The following ADARB1 variants were observed in gnomAD, a reference collection of about 807,000 sequenced individuals.
ADARB1 encodes adenosine deaminase RNA specific B1.
ADARB1 carries 10 observed loss-of-function variants against 52.4 expected under a neutral mutation model. The observed-to-expected ratio is 0.19, with a 90% CI of 0.12 to 0.32. ADARB1 has a LOEUF of 0.32. ADARB1 is among the 10% of genes least tolerant of loss of function. ADARB1 has a pLI of 1.00. For synonymous variants in ADARB1, 349 were observed against 371.1 expected, an observed-to-expected ratio of 0.94 and a Z score of 0.68; for missense variants, 643 against 922.3, an observed-to-expected ratio of 0.70 and a Z score of 3.92.
At chr21:45,160,606 T>C (rs1275171111) in intron 2 of ADARB1, among the ~76,000 whole-genome samples, 2 of 152,274 alleles carry the variant, frequency 1.3e-5, no homozygotes, top group African/African-American at 4.8e-5. Flanking sequence ...ATAAGCAGCA[T>C]GTTCTAGATT....
chr21:45,097,743 TG>T (rs577938567), intron 1 of ADARB1, among the ~76,000 whole-genome samples: 35 of 152,086 alleles, frequency 2.3e-4, no homozygotes, highest in Middle Eastern at 6.8e-3. Flanking sequence ...TATGCTGACT[TG>T]GGGGCACTCA....
At position 45,224,892 on chromosome 21, in the gene ADARB1, G is replaced by T; in HGVS notation, c.*2695G>T. ...GCACTTTAATCCCTCCCTTCTGAGCGCTCGGTGTGCACTTTTAGACTATAG... is the reference window on the plus strand; with the variant it reads ...GCACTTTAATCCCTCCCTTCTGAGCTCTCGGTGTGCACTTTTAGACTATAG... On this transcript the variant is annotated 3_prime_UTR_variant, in exon 11 of 11. Transcript: ENST00000348831. The T allele has an allele frequency of 1.0e-6, 1 of 985,756 alleles. No individual in the cohort carries two copies. The highest frequency in any genetic ancestry group is 1.2e-6 in the Non-Finnish European group (1 of 829,902). The allele number at this position is 985,756 out of a possible 1,614,324, so 61.1% of individuals were successfully genotyped here.
chr21:45,087,719 T>C (rs1467328360), intron 1 of ADARB1, among the ~76,000 whole-genome samples: 1 of 152,068 alleles, frequency 6.6e-6, no homozygotes, highest in Non-Finnish European at 1.5e-5. Flanking sequence ...ATGGTTAATA[T>C]CAGCCAGGAT....
rs1211931277 is a variant in ADARB1, at chr21:45,220,514, AGT to A, written c.1748-320_1748-319del. On this transcript the variant is annotated intron_variant, in intron 9 of 10. Transcript: ENST00000348831. The surrounding 1 kb of genome is among the most constrained non-coding windows in gnomAD (Gnocchi z 6.3). ...AGGTTCCTGGCTCCGTCAGTGCCAG[AGT>A]GAGAAAAGACACACTTGTCAGGAAG... Among the ~76,000 whole-genome samples the A allele has an allele frequency of 1.3e-5, 2 of 152,164 alleles. No homozygotes were observed. The highest frequency in any genetic ancestry group is 2.9e-5 in the Non-Finnish European group (2 of 68,030).
chr21:45,148,518 A>G (rs545463862), intron 2 of ADARB1, among the ~76,000 whole-genome samples: 110 of 152,328 alleles, frequency 7.2e-4, no homozygotes, highest in African/African-American at 2.5e-3. Context: ...AGGTTTGCCC[A>G]TGACCTGGTG....
At position 45,176,889 on chromosome 21, in the gene ADARB1, A is replaced by G. The variant is rs1246764018; in HGVS notation, c.963+225A>G. Reference sequence around the variant, plus strand: ...TGCTGGGTCTGTCGCAATGCAAGGCAGGGACACCTGAGACCCCGTCCACCA... The same window carrying G: ...TGCTGGGTCTGTCGCAATGCAAGGCGGGGACACCTGAGACCCCGTCCACCA... On this transcript the variant is annotated intron_variant, in intron 4 of 10. Transcript: ENST00000348831. The surrounding 1 kb of genome is among the most constrained non-coding windows in gnomAD (Gnocchi z 5.8). 1.3e-5 allele frequency among the ~76,000 whole-genome samples: 2 copies of G among 152,152 alleles called. No individual in the cohort carries two copies. Among genetic ancestry groups the G allele is most frequent in the African/African-American group, 4.8e-5 (2 of 41,426 alleles).
At chr21:45,190,962 A>G (rs530986400) in intron 8 of ADARB1, among the ~76,000 whole-genome samples, 1 of 152,152 alleles carries the variant, frequency 6.6e-6, no homozygotes, top group African/African-American at 2.4e-5. Flanking sequence ...GAAATTTCCT[A>G]TCCCTTTCAT....
At chr21:45,131,335 C>T (rs1301534444) in intron 2 of ADARB1, among the ~76,000 whole-genome samples, 1 of 152,208 alleles carries the variant, frequency 6.6e-6, no homozygotes, top group African/African-American at 2.4e-5. Flanking sequence ...CTGAAGGAAG[C>T]AGTGTTCAGT....
At chr21:45,129,628 C>CAGA in intron 2 of ADARB1, among the ~76,000 whole-genome samples, 1 of 152,216 alleles carries the variant, frequency 6.6e-6, no homozygotes, top group South Asian at 2.1e-4. Context: ...GCCGTGCTCC[C>CAGA]GCCTGGGAGT....
Position 45,171,623 on chromosome 21 carries a change from C to A in ADARB1, c.-34C>A, listed in dbSNP as rs2091486231. On this transcript the variant is annotated 5_prime_UTR_variant, in exon 3 of 11. Transcript: ENST00000348831. ...ACTGTCTTTCAGACAGAAACAGTCT[C>A]CGCCAGTCAAGAAACCCTCAAAAGT... 1.9e-6 allele frequency: 3 copies of A among 1,612,090 alleles called. No individual in the cohort carries two copies. The highest frequency in any genetic ancestry group is 3.3e-5 in the Admixed American group (2 of 59,960).
In ADARB1 at chr21:45,132,040, A is replaced by G. The variant is rs757146763; in HGVS notation, c.-48+3467A>G. Among the ~76,000 whole-genome samples, 6 of 152,384 alleles carry G rather than the reference A, an allele frequency of 3.9e-5. No homozygotes were observed. The South Asian group carries it at 6.2e-4, about 16-fold the overall frequency. On this transcript the variant is annotated intron_variant, in intron 2 of 10. Transcript: ENST00000348831. ...TTCTGGATCCTCAGATATTGTGACA[A>G]AAACTTGACATTTTTCTTCCTTCAA...
intron 1 of ADARB1, among the ~76,000 whole-genome samples, chr21:45,119,341 T>G (rs1386137079): frequency 1.3e-5 from 2 of 152,210 alleles, no homozygotes; most frequent in Admixed American, 6.5e-5. Flanking sequence ...TCCTCCCACC[T>G]TGGCCTCCCA....
At chr21:45,150,766 C>A (rs2090245207) in intron 2 of ADARB1, among the ~76,000 whole-genome samples, 2 of 152,210 alleles carry the variant, frequency 1.3e-5, no homozygotes, top group Admixed American at 1.3e-4. Context: ...CCACCTGTGA[C>A]CAAGGGGTCC....
chr21:45,097,963 A>G (rs1382494701), intron 1 of ADARB1, among the ~76,000 whole-genome samples: 1 of 152,036 alleles, frequency 6.6e-6, no homozygotes, highest in Non-Finnish European at 1.5e-5. Flanking sequence ...ATTTTCCTAA[A>G]TTTCCTAGCC....
In ADARB1 at chr21:45,225,665, C is replaced by A; in HGVS notation, c.*3468C>A. The A allele has an allele frequency of 9.9e-7, 1 of 1,007,980 alleles. No homozygotes were observed. The highest frequency in any genetic ancestry group is 1.3e-6 in the Non-Finnish European group (1 of 747,122). The allele number at this position is 1,007,980 out of a possible 1,614,324, so 62.4% of individuals were successfully genotyped here. On this transcript the variant is annotated 3_prime_UTR_variant, in exon 11 of 11. Transcript: ENST00000348831. Reference sequence around the variant, plus strand: ...CCATGTCTCAAAACAAACACATGTACAGTGGCTCTTTTTCCTTCTCAAACA... The same window carrying A: ...CCATGTCTCAAAACAAACACATGTAAAGTGGCTCTTTTTCCTTCTCAAACA...
intron 9 of ADARB1, among the ~76,000 whole-genome samples, chr21:45,212,452 CTG>C (rs2092787586): frequency 6.6e-6 from 1 of 152,158 alleles, no homozygotes; most frequent in Non-Finnish European, 1.5e-5. Context: ...ACTGGCAAAA[CTG>C]TGCCACAGGA....
intron 2 of ADARB1, among the ~76,000 whole-genome samples, chr21:45,156,155 T>TCATCCATC (rs2090592754): frequency 7.1e-6 from 1 of 141,694 alleles, no homozygotes; most frequent in Non-Finnish European, 1.5e-5. Context: ...CATCATCCAT[T>TCATCCATC]CATCCATCCA....
chr21:45,159,872 T>C (rs2090872620), intron 2 of ADARB1, among the ~76,000 whole-genome samples: 1 of 152,262 alleles, frequency 6.6e-6, no homozygotes, highest in African/African-American at 2.4e-5. Flanking sequence ...CCCTTTTCCC[T>C]GTTCCTGAGC....
At chr21:45,180,881 A>G (rs1019257768) in intron 5 of ADARB1, among the ~76,000 whole-genome samples, 1 of 152,238 alleles carries the variant, frequency 6.6e-6, no homozygotes, top group African/African-American at 2.4e-5. Context: ...GGGGAAAAAA[A>G]GCACAATTTA....
Sources: gnomAD v4.1 joint callset for allele counts (sites outside exome capture counted in the v4.1 genomes callset) on GRCh38, gnomAD v4.1.1 for gene constraint, Gnocchi (gnomAD v3.1) non-coding constraint, MANE v1.5 for transcripts, NCBI Gene and HGNC (gene_info 2026-07-23, HGNC 2026-07-21) for gene names.